The following LRRTM4 variants were observed in gnomAD, a reference collection of about 807,000 sequenced individuals.
LRRTM4 encodes leucine-rich repeat transmembrane neuronal protein 4.
A neutral mutation model predicts 47.6 loss-of-function variants in LRRTM4; 25 were observed. That is an observed-to-expected ratio of 0.53 (90% CI 0.38 to 0.73). The LOEUF (loss-of-function observed/expected upper bound fraction) is 0.73, where lower values mean the gene tolerates loss of function less well. LRRTM4 is among the 30% of genes least tolerant of loss of function. LRRTM4 has a pLI of 0.00. For synonymous variants in LRRTM4, 311 were observed against 269.5 expected (o/e 1.15, Z -1.51); for missense variants, 638 against 713.4 (o/e 0.89, Z 1.20).
intron 3 of LRRTM4, among the ~76,000 whole-genome samples, chr2:76,765,693 G>T (rs573552671): frequency 6.6e-6 from 1 of 152,298 alleles, no homozygotes; most frequent in Non-Finnish European, 1.5e-5. Flanking sequence ...AGCCTTCCTT[G>T]CTATCACCTT....
At chr2:76,828,251 C>A (rs1181800975) in intron 3 of LRRTM4, among the ~76,000 whole-genome samples, 4 of 152,036 alleles carry the variant, frequency 2.6e-5, no homozygotes, top group African/African-American at 9.6e-5. Flanking sequence ...TTGCTGCTTC[C>A]TCCAAAATTG....
intron 3 of LRRTM4, among the ~76,000 whole-genome samples, chr2:76,792,068 G>A (rs1312204178): frequency 6.6e-6 from 1 of 152,042 alleles, no homozygotes; most frequent in Non-Finnish European, 1.5e-5. Flanking sequence ...TGCAAACCTG[G>A]AGGCAGGCAG....
At chr2:77,355,071 C>G (rs998363548) in intron 3 of LRRTM4, among the ~76,000 whole-genome samples, 1 of 152,196 alleles carries the variant, frequency 6.6e-6, no homozygotes, top group Non-Finnish European at 1.5e-5. Context: ...ATGATCCTCT[C>G]ATGCATGGAT....
intron 3 of LRRTM4, among the ~76,000 whole-genome samples, chr2:76,960,953 A>G (rs1675837942): frequency 6.6e-6 from 1 of 151,570 alleles, no homozygotes; most frequent in African/African-American, 2.4e-5. Context: ...TGGATATTAA[A>G]GTAATACTAC....
chr2:76,816,165 A>C lies in LRRTM4; in HGVS notation c.1552-67249T>G, dbSNP rs138155434. 5.9e-3 allele frequency among the ~76,000 whole-genome samples: 899 copies of C among 152,196 alleles called. 36 individuals are homozygous for C. Among genetic ancestry groups the C allele is most frequent in the Admixed American group, 0.049 (746 of 15,260 alleles). ...GCTGGTATCAGACAGAATCTGATAC[A>C]GAAAGATTGTTTGTATGCAAAGGGG... On this transcript the variant is annotated intron_variant, in intron 3 of 3. Transcript: ENST00000409884.
rs144004952 is a variant in LRRTM4 at position 77,190,734 on chromosome 2, C to G, written c.1551+327584G>C. ...GTACTAATTGCTACAAATATATACT[C>G]TACATGCACACACAATACAAAATTT... On this transcript the variant is annotated intron_variant, in intron 3 of 3. Transcript: ENST00000409884. Among the ~76,000 whole-genome samples the G allele has an allele frequency of 4.8e-3, 734 of 152,262 alleles. 5 individuals carry two copies. Among genetic ancestry groups the G allele is most frequent in the African/African-American group, 0.017 (703 of 41,556 alleles).
intron 3 of LRRTM4, among the ~76,000 whole-genome samples, chr2:77,231,219 A>C (rs753127822): frequency 6.6e-6 from 1 of 152,032 alleles, no homozygotes; most frequent in East Asian, 1.9e-4. Flanking sequence ...ACACACACAC[A>C]CATGCACACA....
rs556594709 is a variant in LRRTM4, at chr2:77,447,764, C to T, written c.1551+70554G>A. 3.3e-5 allele frequency among the ~76,000 whole-genome samples: 5 copies of T among 152,150 alleles called. No individual in the cohort carries two copies. In the South Asian group the frequency reaches 1.0e-3, roughly 32 times the overall value. On this transcript the variant is annotated intron_variant, in intron 3 of 3. Transcript: ENST00000409884. ...CCCAAGCCCTGTGAATTGTATTGCA[C>T]AATTATGCAGAGCACAGTGGTTTTT...
intron 3 of LRRTM4, among the ~76,000 whole-genome samples, chr2:77,029,290 T>C (rs1005300719): frequency 1.3e-5 from 2 of 151,950 alleles, no homozygotes; most frequent in East Asian, 3.9e-4. Context: ...AGTCCCACAA[T>C]AGGCCGTCTG....
chr2:77,277,325 T>C (rs1676389183), intron 3 of LRRTM4, among the ~76,000 whole-genome samples: 1 of 152,028 alleles, frequency 6.6e-6, no homozygotes, highest in Non-Finnish European at 1.5e-5. Context: ...TTTTAACTAT[T>C]CTCTTATATC....
At chr2:77,435,639 GA>G (rs1675561644) in intron 3 of LRRTM4, among the ~76,000 whole-genome samples, 1 of 152,092 alleles carries the variant, frequency 6.6e-6, no homozygotes, top group Admixed American at 6.6e-5. Flanking sequence ...AAAGATACAT[GA>G]AAGTTTGGAA....
chr2:77,436,964 C>G (rs546467275), intron 3 of LRRTM4, among the ~76,000 whole-genome samples: 1 of 151,720 alleles, frequency 6.6e-6, no homozygotes, highest in Non-Finnish European at 1.5e-5. Context: ...TATATATAAA[C>G]AAAAATATTA....
chr2:76,925,831 G>T (rs1261862973), intron 3 of LRRTM4, among the ~76,000 whole-genome samples: 1 of 152,078 alleles, frequency 6.6e-6, no homozygotes, highest in Non-Finnish European at 1.5e-5. Flanking sequence ...GTTAGAACTA[G>T]CTATACTCCC....
chr2:76,969,754 G>A (rs986943029), intron 3 of LRRTM4, among the ~76,000 whole-genome samples: 6 of 151,902 alleles, frequency 3.9e-5, no homozygotes, highest in South Asian at 4.1e-4. Context: ...AATATATCAC[G>A]TACTATTTGC....
chr2:77,328,917 T>C (rs199513324), intron 3 of LRRTM4, among the ~76,000 whole-genome samples: 2 of 152,174 alleles, frequency 1.3e-5, no homozygotes, highest in East Asian at 3.9e-4. Flanking sequence ...GAGGCAGTAA[T>C]AGGCTGAATG....
intron 3 of LRRTM4, among the ~76,000 whole-genome samples, chr2:76,881,047 T>C (rs1672914609): frequency 6.6e-6 from 1 of 152,162 alleles, no homozygotes; most frequent in Non-Finnish European, 1.5e-5. Context: ...AGGATGGCTA[T>C]AGTTGACAGT....
At chr2:77,455,880 A>T (rs769009292) in intron 3 of LRRTM4, among the ~76,000 whole-genome samples, 1 of 152,120 alleles carries the variant, frequency 6.6e-6, no homozygotes, top group Non-Finnish European at 1.5e-5. Context: ...CCACCATTCC[A>T]GAATACTTAC....
chr2:76,983,468 G>A (rs1276571898), intron 3 of LRRTM4, among the ~76,000 whole-genome samples: 2 of 151,854 alleles, frequency 1.3e-5, no homozygotes, highest in African/African-American at 2.4e-5. Flanking sequence ...TTTATAAATG[G>A]GAGTTCCCTG....
chr2:77,166,920 C>T (rs1052571258), intron 3 of LRRTM4, among the ~76,000 whole-genome samples: 18 of 152,040 alleles, frequency 1.2e-4, no homozygotes, highest in Admixed American at 1.1e-3. Context: ...ACTAAAACAC[C>T]AAAAGCAATG....
Sources: allele counts gnomAD v4.1 joint callset (sites outside exome capture counted in the v4.1 genomes callset), GRCh38; gene constraint gnomAD v4.1.1; transcripts MANE v1.5; gene names NCBI Gene and HGNC (gene_info 2026-07-23, HGNC 2026-07-21).